The following SGSM1 variants were observed in gnomAD, a reference collection of about 807,000 sequenced individuals.
The protein encoded by SGSM1 is small G protein signaling modulator 1.
SGSM1 carries 73 observed loss-of-function variants against 133.8 expected under a neutral mutation model. The observed-to-expected ratio is 0.55, with a 90% CI of 0.45 to 0.66. The LOEUF is 0.66. Ranked by LOEUF, SGSM1 falls within the 30% of genes least tolerant of loss-of-function variation. The pLI is 0.00. For missense variants in SGSM1, 1,213 were observed against 1,448.1 expected (o/e 0.84, Z 2.64); for synonymous variants, 563 against 573.0 (o/e 0.98, Z 0.25).
chr22:24,858,685 T>C (rs1029067734), intron 8 of SGSM1, among the ~76,000 whole-genome samples: 1 of 150,826 alleles, frequency 6.6e-6, no homozygotes, highest in Non-Finnish European at 1.5e-5. Context: ...CTTGTGGGCT[T>C]CCCTGCAGGG....
chr22:24,891,712 T>C (rs1309085687), intron 16 of SGSM1, among the ~76,000 whole-genome samples: 2 of 152,158 alleles, frequency 1.3e-5, no homozygotes, highest in East Asian at 1.9e-4. Context: ...ACTGGTGGGA[T>C]TGAGGCAACC....
chr22:24,918,655 C>T (rs1933902787), intron 23 of SGSM1, among the ~76,000 whole-genome samples: 1 of 152,118 alleles, frequency 6.6e-6, no homozygotes, highest in Admixed American at 6.5e-5. Context: ...CTACCCCAGG[C>T]TCCCCTTGCC....
At chr22:24,919,186 T>C (rs1329598902) in intron 23 of SGSM1, among the ~76,000 whole-genome samples, 1 of 151,832 alleles carries the variant, frequency 6.6e-6, no homozygotes, top group Non-Finnish European at 1.5e-5. Flanking sequence ...TAGCTGGGAT[T>C]ACAGGCACCT....
intron 12 of SGSM1, among the ~76,000 whole-genome samples, chr22:24,873,269 G>A (rs1262904130): frequency 6.6e-6 from 1 of 152,056 alleles, no homozygotes; most frequent in African/African-American, 2.4e-5. Context: ...CCTCTTGATT[G>A]TGTTTCTATT....
At position 24,857,304 on chromosome 22, in the gene SGSM1, G is replaced by A. The variant is rs377467077; in HGVS notation, c.801+1624G>A. Among the ~76,000 whole-genome samples the A allele has an allele frequency of 1.2e-3, 186 of 151,286 alleles. 2 individuals carry two copies. The Middle Eastern group carries it at 0.027, about 22-fold the overall frequency. The stretch of plus-strand genomic sequence containing the variant: ...CATGTGCCTGTAGTCCCAACTACTC[G>A]GGAGGCTGAGGCAGAACTGCTTGAA... On this transcript the variant is annotated intron_variant, in intron 8 of 24. Coordinates refer to ENST00000400358, the MANE Select transcript of SGSM1 (RefSeq NM_001098497.3).
At chr22:24,862,700 C>T (rs916770311) in intron 9 of SGSM1, among the ~76,000 whole-genome samples, 2 of 152,188 alleles carry the variant, frequency 1.3e-5, no homozygotes, top group African/African-American at 2.4e-5. Flanking sequence ...TCTTTACCTT[C>T]TCAGAGCTTA....
intron 2 of SGSM1, among the ~76,000 whole-genome samples, chr22:24,812,171 A>G (rs1927784581): frequency 9.5e-6 from 1 of 105,104 alleles, no homozygotes; most frequent in South Asian, 3.1e-4. Context: ...CTCCGTCTCA[A>G]AAAAAGAAAA....
chr22:24,823,558 G>A (rs188797622), intron 2 of SGSM1, among the ~76,000 whole-genome samples: 143 of 152,110 alleles, frequency 9.4e-4, no homozygotes, highest in African/African-American at 1.5e-3. Context: ...CCGAAATTGC[G>A]CCACTGCACT....
chr22:24,854,967 C>G, intron 5 of SGSM1, 29 bp from the exon 6 acceptor site: 2 of 1,595,360 alleles, frequency 1.3e-6, no homozygotes, highest in Non-Finnish European at 1.7e-6. Flanking sequence ...GGTCTCCATC[C>G]AAACCTGCAT....
intron 21 of SGSM1, among the ~76,000 whole-genome samples, chr22:24,909,664 C>T (rs569603157): frequency 7.5e-4 from 114 of 152,178 alleles, no homozygotes; most frequent in African/African-American, 2.6e-3. Context: ...CCATGCTGGC[C>T]ATGCTGGTCT....
chr22:24,918,139 T>C (rs1933885156), intron 23 of SGSM1, among the ~76,000 whole-genome samples: 1 of 152,170 alleles, frequency 6.6e-6, no homozygotes, highest in Admixed American at 6.6e-5. Context: ...GTTTCCAACA[T>C]GACATAAAAG....
At chr22:24,841,684 G>C (rs913272172) in intron 2 of SGSM1, among the ~76,000 whole-genome samples, 3 of 152,228 alleles carry the variant, frequency 2.0e-5, no homozygotes, top group African/African-American at 7.2e-5. Context: ...GAGGGGCTGA[G>C]AAACGGTTGG....
At chr22:24,862,276 G>A (rs1931200554) in intron 9 of SGSM1, among the ~76,000 whole-genome samples, 1 of 152,100 alleles carries the variant, frequency 6.6e-6, no homozygotes, top group African/African-American at 2.4e-5. Flanking sequence ...TTCTAATCAG[G>A]CGACCATCAT....
chr22:24,919,747 T>A, intron 23 of SGSM1, 79 bp from the exon 24 acceptor site: 1 of 1,566,612 alleles, frequency 6.4e-7, no homozygotes, highest in Non-Finnish European at 8.7e-7. Flanking sequence ...TTTTCCCACC[T>A]TGGGGGGCTT....
intron 2 of SGSM1, 188 bp from the exon 3 acceptor site, chr22:24,844,709 C>T (rs1929992923): frequency 1.8e-6 from 1 of 570,456 alleles, no homozygotes; most frequent in Admixed American, 3.1e-5. Flanking sequence ...AAATGAGAAG[C>T]ATGGAGCTGT....
chr22:24,816,810 CCT>C (rs1327624155), intron 2 of SGSM1, among the ~76,000 whole-genome samples: 1 of 152,202 alleles, frequency 6.6e-6, no homozygotes, highest in African/African-American at 2.4e-5. Flanking sequence ...TTATGCTCAG[CCT>C]CTCTGTGGGG....
Position 24,878,210 on chromosome 22 carries a change from G to A in SGSM1, c.1431-1252G>A, listed in dbSNP as rs118188807. Among the ~76,000 whole-genome samples the A allele has an allele frequency of 4.4e-3, 664 of 152,288 alleles. 14 individuals carry two copies. In the East Asian group the frequency reaches 0.069, roughly 16 times the overall value. ...AGAGGTCCTGACTGAGTAGGTATGT[G>A]CAGGACCCAGGAATCCACATGTTGG... On this transcript the variant is annotated intron_variant, in intron 13 of 24. Coordinates refer to ENST00000400358, the MANE Select transcript of SGSM1 (RefSeq NM_001098497.3).
intron 5 of SGSM1, 23 bp downstream of exon 5, chr22:24,850,455 C>G (rs1341309277): frequency 1.2e-6 from 2 of 1,612,224 alleles, no homozygotes; most frequent in Non-Finnish European, 1.7e-6. Flanking sequence ...GACCTGACAC[C>G]TGGCCATGCT....
chr22:24,882,878 A>G (rs942976993), intron 14 of SGSM1, among the ~76,000 whole-genome samples: 12 of 151,140 alleles, frequency 7.9e-5, no homozygotes, highest in Non-Finnish European at 7.4e-5. Context: ...TCACATTTGT[A>G]TACCACGGTT....
Sources: allele counts gnomAD v4.1 joint callset (sites outside exome capture counted in the v4.1 genomes callset), GRCh38; gene constraint gnomAD v4.1.1; transcripts MANE v1.5; gene names NCBI Gene and HGNC (gene_info 2026-07-23, HGNC 2026-07-21).